SSBP1: variants seen among roughly 807,000 people sequenced by gnomAD.
SSBP1 encodes the protein single-stranded DNA-binding protein, mitochondrial.
Under a neutral mutation model 27.0 loss-of-function variants are expected in SSBP1, and 20 were observed. That is an observed-to-expected ratio of 0.74 (90% CI 0.52 to 1.08). SSBP1 has a LOEUF of 1.08. Ranked by LOEUF, SSBP1 falls within the 50% of genes least tolerant of loss-of-function variation. The probability of loss-of-function intolerance (pLI) is 0.00; values close to 1 mark genes in which losing one functional copy is unlikely to be tolerated. For missense variants in SSBP1, 137 were observed against 182.4 expected (o/e 0.75, Z 1.44); for synonymous variants, 59 against 59.3 (o/e 1.00, Z 0.02).
At chr7:141,743,526 A>G (rs1799649510) in intron 3 of SSBP1, 35 bp from the exon 4 acceptor site, 2 of 1,611,434 alleles carry the variant, frequency 1.2e-6, no homozygotes, top group Middle Eastern at 1.6e-4. Flanking sequence ...AGTCTATAGC[A>G]GGTTGTCTCA....
rs1390437829 is a variant in SSBP1 at position 141,750,384 on chromosome 7, G to A, written c.*30G>A. The A allele has an allele frequency of 2.6e-6, 4 of 1,557,544 alleles. No individual in the cohort carries two copies. The East Asian group carries it at 9.3e-5, about 36-fold the overall frequency. ...GATGATTCTTCTTTGGCCATCATTTGGTACAGTCTCATTTCCAAGTCATGT... is the reference window on the plus strand; with the variant it reads ...GATGATTCTTCTTTGGCCATCATTTAGTACAGTCTCATTTCCAAGTCATGT... On this transcript the variant is annotated 3_prime_UTR_variant, in exon 7 of 7. Transcript: ENST00000265304.
At chr7:141,743,850 G>A in intron 4 of SSBP1, 52 bp from the exon 5 acceptor site, 2 of 1,574,242 alleles carry the variant, frequency 1.3e-6, no homozygotes, top group Non-Finnish European at 1.7e-6. Flanking sequence ...TGGTTTTCCT[G>A]GGCATGTTGT....
chr7:141,744,626 A>G (rs1406129338), intron 5 of SSBP1, among the ~76,000 whole-genome samples: 2 of 152,220 alleles, frequency 1.3e-5, no homozygotes, highest in African/African-American at 4.8e-5. Flanking sequence ...AAGAAAACAT[A>G]TTTTATGAAA....
rs1374859941 is a variant in SSBP1, at chr7:141,750,335, A to G, written c.428A>G (p.Gln143Arg). 6.2e-7 allele frequency: 1 copy of G among 1,600,176 alleles called. No individual in the cohort carries two copies. The highest frequency in any genetic ancestry group is 8.5e-7 in the Non-Finnish European group (1 of 1,176,000). The change falls in exon 7 of 7, where the codon CAG becomes CGG. Residue 143 changes from glutamine (Q) to arginine (R), a missense_variant. Gln to Arg is a conservative substitution (Grantham distance 43). Transcript: ENST00000265304. ...IADNIIFLSD[Q>R]TKEKE ...GATAATATTATATTTCTGAGTGACC[A>G]GACGAAAGAGAAGGAGTAGAAAGGA...
At chr7:141,739,925 A>T (rs1799461306) in intron 2 of SSBP1, 1 of 152,234 alleles carries the variant, frequency 6.6e-6, no homozygotes, top group Admixed American at 6.5e-5. Context: ...AATGTGAAAC[A>T]TGAAAAAGTT....
intron 2 of SSBP1, among the ~76,000 whole-genome samples, 186 bp from the exon 3 acceptor site, chr7:141,741,983 G>C (rs1563025728): frequency 6.6e-6 from 1 of 152,174 alleles, no homozygotes; most frequent in Non-Finnish European, 1.5e-5. Flanking sequence ...TCTGCATTAG[G>C]CTGCTCTTGA....
At chr7:141,748,017 A>AG (rs1223966676) in intron 6 of SSBP1, among the ~76,000 whole-genome samples, 1 of 139,984 alleles carries the variant, frequency 7.1e-6, no homozygotes, top group Non-Finnish European at 1.5e-5. Flanking sequence ...AAAAAAAAAA[A>AG]TTTTTTTTTT....
chr7:141,749,125 A>C (rs911053621), intron 6 of SSBP1, among the ~76,000 whole-genome samples: 1 of 152,266 alleles, frequency 6.6e-6, no homozygotes, highest in Admixed American at 6.5e-5. Flanking sequence ...ATACAACAAC[A>C]ACAAAAATAC....
chr7:141,745,789 A>G, intron 6 of SSBP1: 1 of 1,310,562 alleles, frequency 7.6e-7, no homozygotes, highest in Non-Finnish European at 9.7e-7. Flanking sequence ...TTTTATACTT[A>G]CAGTTTTAGT....
intron 6 of SSBP1, 47 bp from the exon 7 acceptor site, chr7:141,750,264 G>T: frequency 7.3e-7 from 1 of 1,370,720 alleles, no homozygotes. Context: ...TGAATGAGAT[G>T]GAGAAAGAGT....
Position 141,742,964 on chromosome 7 carries a change from C to T in SSBP1, c.86-597C>T, listed in dbSNP as rs1025518510. The stretch of plus-strand genomic sequence containing the variant: ...CTGCCTCCCGGGTTCATGCCATTCT[C>T]CTGCCTCAGCCTTCCAAGTAGCTGG... On this transcript the variant is annotated intron_variant, in intron 3 of 6. Transcript: ENST00000265304. 6.6e-4 allele frequency among the ~76,000 whole-genome samples: 101 copies of T among 152,212 alleles called. 1 individual carries two copies. Among genetic ancestry groups the T allele is most frequent in the African/African-American group, 2.4e-3 (100 of 41,454 alleles).
intron 5 of SSBP1, 140 bp from the exon 6 acceptor site, chr7:141,745,356 A>G: frequency 1.7e-6 from 1 of 597,702 alleles, no homozygotes. Flanking sequence ...CTAATCCTGA[A>G]CCTTGAGAAG....
At chr7:141,748,146 A>G (rs1474797085) in intron 6 of SSBP1, among the ~76,000 whole-genome samples, 1 of 151,888 alleles carries the variant, frequency 6.6e-6, no homozygotes, top group East Asian at 1.9e-4. Flanking sequence ...CAGCGACTTG[A>G]CCTACACCTG....
intron 5 of SSBP1, among the ~76,000 whole-genome samples, chr7:141,745,040 G>A (rs575060616): frequency 1.3e-5 from 2 of 152,004 alleles, no homozygotes; most frequent in African/African-American, 2.4e-5. Context: ...ATTAACTCAG[G>A]GTAATATTAT....
At chr7:141,750,229 G>A in intron 6 of SSBP1, 82 bp from the exon 7 acceptor site, 1 of 1,004,252 alleles carries the variant, frequency 1.0e-6, no homozygotes, top group East Asian at 2.5e-5. Flanking sequence ...CAGCACTAAA[G>A]TTATATGTAT....
intron 2 of SSBP1, chr7:141,741,231 C>A (rs1799515757): frequency 6.6e-6 from 1 of 152,230 alleles, no homozygotes. Flanking sequence ...AAGGAGTGCA[C>A]ACCCTAGATC....
At chr7:141,746,780 A>G (rs1799806641) in intron 6 of SSBP1, among the ~76,000 whole-genome samples, 1 of 152,236 alleles carries the variant, frequency 6.6e-6, no homozygotes, top group South Asian at 2.1e-4. Context: ...TGAAAATAAT[A>G]TACCCCTCTG....
chr7:141,739,108 TG>T lies in SSBP1; in HGVS notation c.-43-15del. 6.7e-7 allele frequency: 1 copy of T among 1,490,374 alleles called. No individual in the cohort carries two copies. The highest frequency in any genetic ancestry group is 9.1e-7 in the Non-Finnish European group (1 of 1,101,324). The allele number at this position is 1,490,374 out of a possible 1,614,324, so 92.3% of individuals were successfully genotyped here. A position where few individuals can be genotyped will look rare whatever the true frequency, so the allele number is the denominator to read the frequency against. The stretch of plus-strand genomic sequence containing the variant: ...AAGAGGTAATGTTTTTTTCTTATTT[TG>T]TTTTTTTCCTTCAGGAAAAGCCTAA... On this transcript the variant is annotated splice_polypyrimidine_tract_variant and intron_variant, in intron 1 of 6. Coordinates refer to ENST00000265304, the MANE Select transcript of SSBP1 (RefSeq NM_003143.3).
intron 5 of SSBP1, among the ~76,000 whole-genome samples, chr7:141,744,691 C>T (rs1446293587): frequency 6.6e-6 from 1 of 152,108 alleles, no homozygotes; most frequent in Non-Finnish European, 1.5e-5. Context: ...AGCTTTTCTT[C>T]CTATGTATCT....
Sources: allele counts gnomAD v4.1 joint callset (sites outside exome capture counted in the v4.1 genomes callset), GRCh38; gene constraint gnomAD v4.1.1; transcripts MANE v1.5; gene names NCBI Gene and HGNC (gene_info 2026-07-23, HGNC 2026-07-21).